Variants in TACC2 observed in about 807,000 individuals in gnomAD.
TACC2 encodes transforming acidic coiled-coil containing protein 2, also known as transforming acidic coiled-coil-containing protein 2.
Under a neutral mutation model 227.3 loss-of-function variants are expected in TACC2, and 137 were observed. That is an observed-to-expected ratio of 0.60 (90% CI 0.52 to 0.69). The LOEUF is 0.69. Ranked by LOEUF, TACC2 falls within the 30% of genes least tolerant of loss-of-function variation. The pLI is 0.00. For missense variants in TACC2, 3,470 were observed against 3,694.4 expected (o/e 0.94, Z 1.57); for synonymous variants, 1,523 against 1,487.5 (o/e 1.02, Z -0.55).
chr10:122,113,584 C>T (rs941471562), intron 5 of TACC2, among the ~76,000 whole-genome samples: 3 of 152,106 alleles, frequency 2.0e-5, no homozygotes, highest in Admixed American at 6.5e-5. Flanking sequence ...TGACCAGGCT[C>T]CCTGCCAGGG....
At chr10:122,228,534 A>G (rs1262606303) in intron 14 of TACC2, among the ~76,000 whole-genome samples, 2 of 152,142 alleles carry the variant, frequency 1.3e-5, no homozygotes, top group African/African-American at 4.8e-5. Flanking sequence ...GGCCTTGTGC[A>G]TTCCCCAAAG....
intron 2 of TACC2, among the ~76,000 whole-genome samples, chr10:122,026,551 T>G (rs567113453): frequency 3.3e-5 from 5 of 152,180 alleles, no homozygotes; most frequent in Admixed American, 6.6e-5. Context: ...GTATTGCACA[T>G]TTTCTGGGTT....
At chr10:122,034,761 C>T (rs1959693205) in intron 2 of TACC2, among the ~76,000 whole-genome samples, 1 of 151,996 alleles carries the variant, frequency 6.6e-6, no homozygotes. Context: ...GAAACCCCGT[C>T]TTTACTAAAA....
Position 121,994,715 on chromosome 10 carries a change from G to C in TACC2, c.-46+5227G>C, listed in dbSNP as rs1332453613. 2.0e-5 allele frequency: 3 copies of C among 152,726 alleles called. No homozygotes were observed. In the East Asian group the frequency reaches 5.8e-4, roughly 29 times the overall value. 9.5% of individuals were successfully genotyped at this position (152,726 alleles called of 1,614,324 possible). Reference sequence around the variant, plus strand: ...TCCACGCTGGGGGGATCCTGGGTGAGTGAGTCTCAGACTGAGGGCTTCTTC... The same window carrying C: ...TCCACGCTGGGGGGATCCTGGGTGACTGAGTCTCAGACTGAGGGCTTCTTC... On this transcript the variant is annotated intron_variant, in intron 1 of 22. Transcript: ENST00000369005.
At chr10:122,214,281 A>G (rs1166923620) in intron 9 of TACC2, among the ~76,000 whole-genome samples, 1 of 152,242 alleles carries the variant, frequency 6.6e-6, no homozygotes, top group Non-Finnish European at 1.5e-5. Flanking sequence ...ATGAATAAAT[A>G]TATGCTTCAA....
At chr10:122,163,250 CAGCCATCCCCTT>C (rs2092929017) in intron 7 of TACC2, among the ~76,000 whole-genome samples, 1 of 152,050 alleles carries the variant, frequency 6.6e-6, no homozygotes, top group African/African-American at 2.4e-5. Context: ...CCTGTTCCTC[CAGCCATCCCCTT>C]AGTCCTGGGC....
At position 122,215,423 on chromosome 10, in the gene TACC2, G is replaced by A. The variant is rs141312062; in HGVS notation, c.7316G>A (p.Arg2439Gln). 9.3e-6 allele frequency: 15 copies of A among 1,613,962 alleles called. No individual in the cohort carries two copies. In the Admixed American group the frequency reaches 1.0e-4, roughly 11 times the overall value. The change falls in exon 10 of 23, where the codon CGG (arginine) becomes CAG (glutamine). Residue 2439 changes from arginine to glutamine, a missense_variant. Physicochemically the swap from Arg to Gln is conservative, Grantham distance 43 (BLOSUM62 1). This residue lies in a region of TACC2 where 593 missense variants were observed against 636.6 expected (regional missense o/e 0.93). Transcript: ENST00000369005. Reference protein sequence around the residue: ...DTFRVKKSPKRSPLSDPPSQD... With the variant: ...DTFRVKKSPKQSPLSDPPSQD... The stretch of plus-strand genomic sequence containing the variant: ...TTTAGGGTGAAAAAGTCGCCAAAAC[G>A]GTCTCCTCTCTCTGATCCACCTTCC...
intron 7 of TACC2, among the ~76,000 whole-genome samples, chr10:122,146,128 T>A (rs1304385407): frequency 6.6e-6 from 1 of 152,080 alleles, no homozygotes; most frequent in African/African-American, 2.4e-5. Flanking sequence ...CAACCTCACT[T>A]AGTCTGGGTA....
intron 1 of TACC2, among the ~76,000 whole-genome samples, chr10:122,010,407 G>A (rs138356067): frequency 5.6e-4 from 85 of 152,322 alleles, no homozygotes; most frequent in African/African-American, 1.9e-3. Flanking sequence ...TGGAAATTGC[G>A]AGTAAGGGGA....
chr10:121,990,818 C>T (rs12777489), intron 1 of TACC2, among the ~76,000 whole-genome samples: 6,676 of 152,074 alleles, frequency 0.044, 222 homozygotes, highest in Non-Finnish European at 0.069. Flanking sequence ...GACAGGGACT[C>T]GCTGTGTTAC....
intron 7 of TACC2, among the ~76,000 whole-genome samples, chr10:122,153,023 A>G (rs906167204): frequency 7.8e-5 from 4 of 51,020 alleles, no homozygotes; most frequent in African/African-American, 2.0e-4. Context: ...ACGGAGTCTC[A>G]CTTGCTCTGT....
At chr10:122,088,059 T>A in intron 4 of TACC2, 100 bp downstream of exon 4, 1 of 1,301,130 alleles carries the variant, frequency 7.7e-7, no homozygotes, top group Non-Finnish European at 1.0e-6. Context: ...AGTGGTTTTC[T>A]AAAAGCTGAG....
chr10:122,174,081 G>C (rs1276480021), intron 7 of TACC2, among the ~76,000 whole-genome samples: 1 of 152,218 alleles, frequency 6.6e-6, no homozygotes, highest in Non-Finnish European at 1.5e-5. Flanking sequence ...AGGGCTCGGT[G>C]GACTGTCCAA....
At chr10:122,226,015 CCT>C (rs1479395623) in intron 12 of TACC2, among the ~76,000 whole-genome samples, 2 of 152,208 alleles carry the variant, frequency 1.3e-5, no homozygotes, top group African/African-American at 4.8e-5. Context: ...TCTTGCCCTA[CCT>C]CTCTGTTTAT....
At chr10:122,131,692 T>C (rs1436890015) in intron 5 of TACC2, among the ~76,000 whole-genome samples, 1 of 152,196 alleles carries the variant, frequency 6.6e-6, no homozygotes, top group African/African-American at 2.4e-5. Flanking sequence ...GTCCTTTTAT[T>C]ATTAGATTTA....
intron 7 of TACC2, among the ~76,000 whole-genome samples, chr10:122,184,249 TGCTG>T (rs761467834): frequency 6.6e-6 from 1 of 152,148 alleles, no homozygotes; most frequent in Admixed American, 6.5e-5. Flanking sequence ...GGATGTGTCT[TGCTG>T]GCTGGGGGAG....
At chr10:122,031,397 C>CTTTTTTTT (rs758476678) in intron 2 of TACC2, among the ~76,000 whole-genome samples, 2 of 91,748 alleles carry the variant, frequency 2.2e-5, no homozygotes, top group East Asian at 3.3e-4. Flanking sequence ...GGTCTAGCCT[C>CTTTTTTTT]TTTTTTTTTT....
intron 2 of TACC2, among the ~76,000 whole-genome samples, chr10:122,026,616 G>C (rs1426481387): frequency 6.6e-6 from 1 of 151,880 alleles, no homozygotes; most frequent in East Asian, 1.9e-4. Context: ...AAATCCTCTG[G>C]ACTCCACCTA....
At chr10:122,149,735 C>A (rs1212595878) in intron 7 of TACC2, among the ~76,000 whole-genome samples, 1 of 152,256 alleles carries the variant, frequency 6.6e-6, no homozygotes, top group Non-Finnish European at 1.5e-5. Flanking sequence ...GCAGATGAGC[C>A]TCTCTGCCTC....
Sources: allele counts gnomAD v4.1 joint callset (sites outside exome capture counted in the v4.1 genomes callset), GRCh38; gene constraint gnomAD v4.1.1; regional missense constraint gnomAD v4.1.1; transcripts MANE v1.5; gene names NCBI Gene and HGNC (gene_info 2026-07-23, HGNC 2026-07-21).